Variants in SDK1 observed in about 807,000 individuals in gnomAD.
SDK1 encodes sidekick cell adhesion molecule 1, also known as protein sidekick-1.
Under a neutral mutation model 245.5 loss-of-function variants are expected in SDK1, and 157 were observed. That is an observed-to-expected ratio of 0.64 (90% CI 0.56 to 0.73). The LOEUF is 0.73. SDK1 is among the 30% of genes least tolerant of loss of function. The pLI, the probability that SDK1 is intolerant of heterozygous loss-of-function variation, is 0.00. For missense variants in SDK1, 3,583 were observed against 3,002.3 expected, an observed-to-expected ratio of 1.19 and a Z score of -4.52; for synonymous variants, 1,647 against 1,278.5, an observed-to-expected ratio of 1.29 and a Z score of -6.15.
chr7:3,630,693 C>G (rs774601668), intron 2 of SDK1, among the ~76,000 whole-genome samples: 3 of 152,108 alleles, frequency 2.0e-5, no homozygotes, highest in Non-Finnish European at 4.4e-5. Flanking sequence ...AAATCTGACA[C>G]AGGGTCTGTA....
In SDK1 at chr7:3,409,812, C is replaced by T. The variant is rs28396741; in HGVS notation, c.298+107928C>T. Among the ~76,000 whole-genome samples the T allele has an allele frequency of 8.5e-3, 1,297 of 152,190 alleles. 24 individuals carry two copies. The highest frequency in any genetic ancestry group is 0.029 in the African/African-American group (1,221 of 41,486). ...TTGAGGTGTGGAGTTTGATTTTTGA[C>T]ATTCTTGTGTTTGTGTTGGTAAGAC... On this transcript the variant is annotated intron_variant, in intron 1 of 44. Transcript: ENST00000404826.
intron 1 of SDK1, among the ~76,000 whole-genome samples, chr7:3,586,844 A>T (rs1240951143): frequency 1.3e-5 from 2 of 152,166 alleles, no homozygotes; most frequent in Non-Finnish European, 2.9e-5. Context: ...CTCACTGAAG[A>T]CAGAAGCTGC....
rs144622722 is a variant in SDK1, at chr7:3,724,608, G to A, written c.713+82503G>A. Among the ~76,000 whole-genome samples the A allele has an allele frequency of 2.6e-4, 39 of 152,260 alleles. 1 individual carries two copies. The highest frequency in any genetic ancestry group is 7.7e-4 in the East Asian group (4 of 5,170). ...TAACAGACTAAAAATGTTTGAAAGCGCATATGCAACAAAAGTGGTTTTTAT... is the reference window on the plus strand; with the variant it reads ...TAACAGACTAAAAATGTTTGAAAGCACATATGCAACAAAAGTGGTTTTTAT... On this transcript the variant is annotated intron_variant, in intron 4 of 44. Transcript: ENST00000404826.
At chr7:3,715,038 C>T (rs553999876) in intron 4 of SDK1, among the ~76,000 whole-genome samples, 2 of 152,218 alleles carry the variant, frequency 1.3e-5, no homozygotes, top group Non-Finnish European at 2.9e-5. Flanking sequence ...AGAGAATACT[C>T]ATCTCTCAGA....
chr7:3,444,844 C>G (rs1780299267), intron 1 of SDK1, among the ~76,000 whole-genome samples: 1 of 152,182 alleles, frequency 6.6e-6, no homozygotes, highest in Non-Finnish European at 1.5e-5. Flanking sequence ...TAGAGCCCTA[C>G]CTGCATGGTT....
intron 1 of SDK1, chr7:3,302,113 T>C (rs767811347): frequency 4.6e-6 from 1 of 219,294 alleles, no homozygotes; most frequent in Non-Finnish European, 8.2e-6. Flanking sequence ...TTTATTTTTT[T>C]TATACCGCAG....
chr7:3,809,491 C>G (rs12701176), intron 4 of SDK1, among the ~76,000 whole-genome samples: 17,179 of 152,162 alleles, frequency 0.11, 1,585 homozygotes, highest in African/African-American at 0.25. Flanking sequence ...CTCTGCTGGG[C>G]ACAGCTTTGT....
intron 1 of SDK1, among the ~76,000 whole-genome samples, chr7:3,492,572 C>T (rs1298913303): frequency 6.6e-6 from 1 of 152,222 alleles, no homozygotes; most frequent in Non-Finnish European, 1.5e-5. Flanking sequence ...AAAGAGTGGA[C>T]AGCAGTGGCG....
At chr7:3,979,227 G>C (rs1165892527) in intron 13 of SDK1, among the ~76,000 whole-genome samples, 1 of 152,296 alleles carries the variant, frequency 6.6e-6, no homozygotes, top group Middle Eastern at 3.4e-3. Context: ...CTGTGAGGGC[G>C]GCACCCACCC....
intron 5 of SDK1, among the ~76,000 whole-genome samples, chr7:3,827,337 G>C (rs1779802480): frequency 6.6e-6 from 1 of 152,116 alleles, no homozygotes; most frequent in East Asian, 1.9e-4. Flanking sequence ...GAGGATGCCT[G>C]AGGTCAAATT....
At chr7:3,494,327 G>A (rs996339615) in intron 1 of SDK1, among the ~76,000 whole-genome samples, 5 of 152,114 alleles carry the variant, frequency 3.3e-5, no homozygotes, top group Non-Finnish European at 7.4e-5. Context: ...GAAATGATAC[G>A]GGTATCCTAC....
intron 14 of SDK1, among the ~76,000 whole-genome samples, chr7:4,001,293 C>T (rs73673221): frequency 6.6e-6 from 1 of 152,206 alleles, no homozygotes; most frequent in African/African-American, 2.4e-5. Context: ...CACCCAAGAT[C>T]GAGTTCCCCA....
chr7:3,380,959 C>T (rs746340267), intron 1 of SDK1, among the ~76,000 whole-genome samples: 3 of 152,140 alleles, frequency 2.0e-5, no homozygotes, highest in Non-Finnish European at 4.4e-5. Context: ...TTATGTTTTT[C>T]AAACTGGAGC....
intron 19 of SDK1, among the ~76,000 whole-genome samples, chr7:4,055,588 G>C (rs145317082): frequency 6.6e-6 from 1 of 151,766 alleles, no homozygotes; most frequent in Non-Finnish European, 1.5e-5. Context: ...CCAGCCTCTT[G>C]TTCCAGGTCT....
At chr7:3,443,364 G>A (rs1352316541) in intron 1 of SDK1, among the ~76,000 whole-genome samples, 1 of 152,166 alleles carries the variant, frequency 6.6e-6, no homozygotes, top group African/African-American at 2.4e-5. Context: ...AACCGTTTAT[G>A]TCAAATATAT....
intron 1 of SDK1, among the ~76,000 whole-genome samples, chr7:3,333,777 G>A (rs938557923): frequency 2.0e-5 from 3 of 152,202 alleles, no homozygotes; most frequent in Non-Finnish European, 2.9e-5. Flanking sequence ...TAAGCAGAAA[G>A]CAGTTTATTA....
intron 23 of SDK1, among the ~76,000 whole-genome samples, chr7:4,112,630 C>A (rs1783420286): frequency 6.6e-6 from 1 of 152,170 alleles, no homozygotes; most frequent in Non-Finnish European, 1.5e-5. Context: ...CTGATGACAT[C>A]AATTTCTGGA....
chr7:4,017,689 T>C (rs979162866), intron 17 of SDK1, among the ~76,000 whole-genome samples: 1 of 152,216 alleles, frequency 6.6e-6, no homozygotes, highest in Admixed American at 6.5e-5. Flanking sequence ...AAGCTGGCTG[T>C]GGAGTTCTGT....
chr7:4,094,162 T>G (rs183697738), intron 22 of SDK1, among the ~76,000 whole-genome samples: 1 of 152,146 alleles, frequency 6.6e-6, no homozygotes, highest in East Asian at 1.9e-4. Context: ...GTTCAAGCGA[T>G]TCTCCTGCCT....
Sources: allele counts gnomAD v4.1 joint callset (sites outside exome capture counted in the v4.1 genomes callset), GRCh38; gene constraint gnomAD v4.1.1; transcripts MANE v1.5; gene names NCBI Gene and HGNC (gene_info 2026-07-23, HGNC 2026-07-21).